The following DACH2 variants were observed in gnomAD, a reference collection of about 807,000 sequenced individuals.
DACH2 encodes dachshund family transcription factor 2, also known as dachshund homolog 2.
In DACH2, 17 loss-of-function variants were observed where a neutral mutation model predicts 35.8. The ratio of observed to expected loss-of-function variants is 0.48; its 90% CI spans 0.33 to 0.71. DACH2 has a LOEUF of 0.71. Among genes scored for constraint, DACH2 ranks in the 30% least tolerant of loss-of-function variants. The pLI is 0.02. For synonymous variants in DACH2, 195 were observed against 177.3 expected (o/e 1.10, Z -0.79); for missense variants, 469 against 472.7 (o/e 0.99, Z 0.07).
intron 2 of DACH2, among the ~76,000 whole-genome samples, chrX:86,489,542 T>A (rs1300452439): frequency 9.0e-6 from 1 of 111,294 alleles, no homozygotes; most frequent in Non-Finnish European, 1.9e-5. Flanking sequence ...CTCAAAAAAA[T>A]ATGTGAAGTA....
At chrX:86,617,842 A>C (rs1007953753) in intron 3 of DACH2, among the ~76,000 whole-genome samples, 3 of 112,439 alleles carry the variant, frequency 2.7e-5, no homozygotes, top group Non-Finnish European at 5.6e-5. Context: ...CTTTGCATTG[A>C]ATTCTGTTTT....
At chrX:86,516,891 C>T (rs750180366) in intron 3 of DACH2, among the ~76,000 whole-genome samples, 1 of 111,659 alleles carries the variant, frequency 9.0e-6, no homozygotes, top group South Asian at 3.8e-4. Flanking sequence ...AAGACATGAT[C>T]TCTTTTTTAT....
chrX:86,407,968 A>G (rs916321471), intron 2 of DACH2, among the ~76,000 whole-genome samples: 9 of 111,584 alleles, frequency 8.1e-5, no homozygotes, highest in African/African-American at 2.9e-4. Context: ...GGAAACAAAT[A>G]TCATGGGTTT....
At chrX:86,321,132 A>C (rs5968884) in intron 1 of DACH2, among the ~76,000 whole-genome samples, 19,047 of 110,813 alleles carry the variant, frequency 0.17, 1,785 homozygotes, top group African/African-American at 0.35. Flanking sequence ...TTAGATTTTG[A>C]AACCCTATAT....
intron 2 of DACH2, among the ~76,000 whole-genome samples, chrX:86,385,285 G>T (rs1441803817): frequency 9.0e-6 from 1 of 111,095 alleles, no homozygotes; most frequent in African/African-American, 3.3e-5. Context: ...AAATATACTT[G>T]GCATTATAGC....
intron 1 of DACH2, among the ~76,000 whole-genome samples, chrX:86,155,978 A>G (rs1035851621): frequency 9.0e-6 from 1 of 110,986 alleles, no homozygotes; most frequent in Non-Finnish European, 1.9e-5. Flanking sequence ...AAAATAGTTA[A>G]CTTTTTTTCA....
chrX:86,813,171 G>A lies in DACH2; in HGVS notation c.1431G>A (p.Glu477=). 8.3e-7 allele frequency: 1 copy of A among 1,208,341 alleles called. No individual in the cohort carries two copies. The highest frequency in any genetic ancestry group is 1.8e-5 in the South Asian group (1 of 56,195). Residue 477 remains glutamate, a synonymous_variant, in exon 9 of 12, where the codon GAG becomes GAA. Coordinates refer to ENST00000373125, the MANE Select transcript of DACH2 (RefSeq NM_053281.3). ...CTTTGGATAATGCTCGCATCCAGGAGAAGCAGATTCAACAAGAAAAGAAGG... is the reference window on the plus strand; with the variant it reads ...CTTTGGATAATGCTCGCATCCAGGAAAAGCAGATTCAACAAGAAAAGAAGG... ...KVALDNARIQ[E]KQIQQEKKEL... is the part of the protein sequence containing the mutation.
chrX:86,775,268 G>C (rs779498330), intron 7 of DACH2, among the ~76,000 whole-genome samples: 1 of 110,926 alleles, frequency 9.0e-6, no homozygotes, highest in East Asian at 2.9e-4. Context: ...TTTAGTTCAG[G>C]GGTCCCCAAC....
chrX:86,291,897 G>T (rs1268229993), intron 1 of DACH2, among the ~76,000 whole-genome samples: 1 of 65,001 alleles, frequency 1.5e-5, no homozygotes, highest in Admixed American at 2.1e-4. Flanking sequence ...TTTTTTGGTT[G>T]TGTCTCTGCC....
chrX:86,424,347 CCTT>C (rs1200482412), intron 2 of DACH2, among the ~76,000 whole-genome samples: 2 of 110,435 alleles, frequency 1.8e-5, no homozygotes, highest in African/African-American at 3.3e-5. Flanking sequence ...TTTTTGATGT[CCTT>C]CTCAATTTTT....
intron 6 of DACH2, among the ~76,000 whole-genome samples, chrX:86,731,934 C>T (rs181781736): frequency 8.9e-6 from 1 of 112,192 alleles, no homozygotes; most frequent in East Asian, 2.8e-4. Context: ...ACTATAGCAA[C>T]ACTGCCCGTA....
At chrX:86,359,821 C>T (rs897635316) in intron 1 of DACH2, among the ~76,000 whole-genome samples, 1 of 111,123 alleles carries the variant, frequency 9.0e-6, no homozygotes, top group African/African-American at 3.3e-5. Flanking sequence ...CTTCAGCTGA[C>T]CAAAATTCCT....
chrX:86,206,361 C>T lies in DACH2; in HGVS notation c.488+57253C>T, dbSNP rs146782113. On this transcript the variant is annotated intron_variant, in intron 1 of 11. Coordinates refer to ENST00000373125, the MANE Select transcript of DACH2 (RefSeq NM_053281.3). Reference sequence around the variant, plus strand: ...TTCTGTTGGCACATGGTGAAGAATGCGCTTCCCTGAGAATCTTTTGCACTT... The same window carrying T: ...TTCTGTTGGCACATGGTGAAGAATGTGCTTCCCTGAGAATCTTTTGCACTT... Among the ~76,000 whole-genome samples the T allele has an allele frequency of 1.0e-3, 111 of 111,509 alleles. No homozygotes were observed. The Middle Eastern group carries it at 0.024, about 24-fold the overall frequency.
At chrX:86,425,714 G>A (rs1260670988) in intron 2 of DACH2, among the ~76,000 whole-genome samples, 1 of 110,593 alleles carries the variant, frequency 9.0e-6, no homozygotes, top group African/African-American at 3.3e-5. Context: ...TAAGGGTGTA[G>A]GGCAAAAGGA....
At chrX:86,412,199 G>A (rs1478834679) in intron 2 of DACH2, among the ~76,000 whole-genome samples, 1 of 111,142 alleles carries the variant, frequency 9.0e-6, no homozygotes, top group African/African-American at 3.3e-5. Flanking sequence ...TCTCCTGGTG[G>A]CAGCATTCCT....
rs772453625 is a variant in DACH2, at chrX:86,529,401, T to C, written c.640+15010T>C. ...ATTCTACCTGTTAACCAACCTCTCT[T>C]CACCCCCTCCTGTATTCATACCCCA... On this transcript the variant is annotated intron_variant, in intron 3 of 11. Coordinates refer to ENST00000373125, the MANE Select transcript of DACH2 (RefSeq NM_053281.3). 2.7e-5 allele frequency among the ~76,000 whole-genome samples: 3 copies of C among 109,678 alleles called. No homozygotes were observed. In the South Asian group the frequency reaches 1.2e-3, roughly 43 times the overall value.
rs746114205 is a variant in DACH2 at position 86,820,287 on chromosome X, G to T, written c.1750+4188G>T. On this transcript the variant is annotated intron_variant, in intron 11 of 11. Coordinates refer to ENST00000373125, the MANE Select transcript of DACH2 (RefSeq NM_053281.3). ...ATTTTATGTATACATGTTTGACAAAGACACAAGATGATTTAGCACTGGAAT... is the reference window on the plus strand; with the variant it reads ...ATTTTATGTATACATGTTTGACAAATACACAAGATGATTTAGCACTGGAAT... Among the ~76,000 whole-genome samples the T allele has an allele frequency of 8.1e-5, 9 of 111,617 alleles. No individual in the cohort carries two copies. The East Asian group carries it at 2.5e-3, about 31-fold the overall frequency.
chrX:86,404,079 G>A (rs1056777455), intron 2 of DACH2, among the ~76,000 whole-genome samples: 4 of 110,204 alleles, frequency 3.6e-5, no homozygotes, highest in African/African-American at 9.9e-5. Context: ...ACCTCCCACT[G>A]GGTCCCTTTC....
At chrX:86,391,608 T>G (rs1206820848) in intron 2 of DACH2, among the ~76,000 whole-genome samples, 1 of 111,504 alleles carries the variant, frequency 9.0e-6, no homozygotes, top group Admixed American at 9.6e-5. Flanking sequence ...TTTAAGCTTT[T>G]GTAAGGATAA....
Sources: allele counts gnomAD v4.1 joint callset (sites outside exome capture counted in the v4.1 genomes callset), GRCh38; gene constraint gnomAD v4.1.1; transcripts MANE v1.5; gene names NCBI Gene and HGNC (gene_info 2026-07-23, HGNC 2026-07-21).